Variants in RTTN observed in about 807,000 individuals in gnomAD.
The protein encoded by RTTN is rotatin.
RTTN carries 182 observed loss-of-function variants against 269.2 expected under a neutral mutation model. The ratio of observed to expected loss-of-function variants is 0.68; its 90% confidence interval spans 0.60 to 0.76. The LOEUF is 0.76. Among genes scored for constraint, RTTN ranks in the 30% least tolerant of loss-of-function variants. The probability of loss-of-function intolerance (pLI) is 0.00; values close to 1 mark genes in which losing one functional copy is unlikely to be tolerated. For missense variants in RTTN, 2,545 were observed against 2,608.6 expected (o/e 0.98, Z 0.53); for synonymous variants, 1,006 against 963.5 (o/e 1.04, Z -0.82).
intron 40 of RTTN, among the ~76,000 whole-genome samples, chr18:70,042,109 G>A (rs1231387679): frequency 1.3e-5 from 2 of 150,658 alleles, no homozygotes; most frequent in Non-Finnish European, 3.0e-5. Flanking sequence ...AGCAAAGAGA[G>A]ATTACATAGC....
chr18:70,117,897 A>G (rs1325487231), intron 26 of RTTN, among the ~76,000 whole-genome samples: 1 of 152,028 alleles, frequency 6.6e-6, no homozygotes, highest in African/African-American at 2.4e-5. Flanking sequence ...TGGGTCAAAG[A>G]AAAAGCTAAA....
chr18:70,166,773 C>T, intron 13 of RTTN, 146 bp downstream of exon 13: 1 of 595,402 alleles, frequency 1.7e-6, no homozygotes, highest in Non-Finnish European at 2.9e-6. Context: ...TACATATACC[C>T]TTTAAAAATC....
At chr18:70,183,922 C>A (rs2061474587) in intron 10 of RTTN, among the ~76,000 whole-genome samples, 1 of 152,180 alleles carries the variant, frequency 6.6e-6, no homozygotes. Context: ...TATGCACCTA[C>A]ATGCCCAGCT....
At chr18:70,004,257 TAC>T in intron 48 of RTTN, 21 bp from the exon 49 acceptor site, 2 of 1,542,166 alleles carry the variant, frequency 1.3e-6, no homozygotes, top group Non-Finnish European at 1.8e-6. Context: ...AAAATAAGAG[TAC>T]AGAAATACTA....
At chr18:70,205,402 C>T (rs1400230125) in intron 1 of RTTN, 87 bp from the exon 2 acceptor site, 8 of 1,530,158 alleles carry the variant, frequency 5.2e-6, no homozygotes, top group Admixed American at 1.8e-5. Context: ...GGCGTGAAGA[C>T]GGAATAAACC....
chr18:70,109,618 C>T lies in RTTN; in HGVS notation c.3783G>A (p.Pro1261=), dbSNP rs371484273. 96 of 1,613,868 alleles carry T rather than the reference C, an allele frequency of 5.9e-5. No homozygotes were observed. In the African/African-American group the frequency reaches 6.8e-4, roughly 11 times the overall value. The part of the protein sequence containing the change: ...VTDAPHFYGL[P]SLERTLRGMA... ...TCCCTCGTAAGGTCCGCTCAAGGGA[C>T]GGCAGGCCATAGAAATGAGGCGCAT... is the stretch of plus-strand genomic sequence containing the variant. Residue 1261 remains proline (P), a synonymous_variant, in exon 28 of 49, where the codon CCG becomes CCA. Coordinates refer to ENST00000640769, the MANE Select transcript of RTTN (RefSeq NM_173630.4).
At chr18:70,152,834 A>G (rs901892192) in intron 14 of RTTN, among the ~76,000 whole-genome samples, 5 of 152,116 alleles carry the variant, frequency 3.3e-5, no homozygotes, top group African/African-American at 9.7e-5. Flanking sequence ...GACCCCCTAC[A>G]ATCCATTCCC....
At chr18:70,102,215 C>A (rs1374735182) in intron 28 of RTTN, among the ~76,000 whole-genome samples, 2 of 152,158 alleles carry the variant, frequency 1.3e-5, no homozygotes, top group Non-Finnish European at 2.9e-5. Context: ...GAGTCCAAGT[C>A]TCTTTGTAGG....
intron 14 of RTTN, among the ~76,000 whole-genome samples, chr18:70,157,666 C>T (rs775180069): frequency 7.2e-5 from 11 of 152,174 alleles, no homozygotes; most frequent in Non-Finnish European, 8.8e-5. Context: ...CAAGGAAGCT[C>T]GACAAGATAT....
chr18:70,084,332 A>C (rs1286994184), intron 32 of RTTN, among the ~76,000 whole-genome samples: 1 of 152,184 alleles, frequency 6.6e-6, no homozygotes. Flanking sequence ...TATGAAAGGG[A>C]CACTAAAATA....
chr18:70,124,627 T>C (rs758838209), intron 25 of RTTN, among the ~76,000 whole-genome samples: 16 of 152,116 alleles, frequency 1.1e-4, no homozygotes, highest in Non-Finnish European at 2.4e-4. Flanking sequence ...AAACACAGCA[T>C]ATGTTAGAGA....
At position 70,139,613 on chromosome 18, in the gene RTTN, G is replaced by A; in HGVS notation, c.2774C>T (p.Thr925Ile). 1 of 1,606,064 alleles carries A rather than the reference G, an allele frequency of 6.2e-7. No individual in the cohort carries two copies. The highest frequency in any genetic ancestry group is 1.1e-5 in the South Asian group (1 of 90,728). ...CTTTTATTTACCTCTGAATAACACG[G>A]TCAAAAGAGAAGACTGTTGCGAGAG... Reference protein sequence around the residue: ...VSLSQQSSLLTVLFRVSLIFH... With the variant: ...VSLSQQSSLLIVLFRVSLIFH... The change falls in exon 21 of 49, where the codon ACC (threonine) becomes ATC (isoleucine). Residue 925 changes from threonine to isoleucine, a missense_variant. Transcript: ENST00000640769.
At chr18:70,119,339 T>C (rs2059679009) in intron 26 of RTTN, among the ~76,000 whole-genome samples, 1 of 151,156 alleles carries the variant, frequency 6.6e-6, no homozygotes, top group South Asian at 2.1e-4. Context: ...AAAATTAAGA[T>C]ATTTAGGAAT....
At chr18:70,143,131 T>C (rs1427065456) in intron 18 of RTTN, among the ~76,000 whole-genome samples, 4 of 152,232 alleles carry the variant, frequency 2.6e-5, no homozygotes, top group Admixed American at 2.6e-4. Context: ...CTCTTTTCCA[T>C]ATGCCTTTTG....
intron 40 of RTTN, among the ~76,000 whole-genome samples, chr18:70,038,016 T>A (rs2057228328): frequency 6.6e-6 from 1 of 151,540 alleles, no homozygotes; most frequent in Non-Finnish European, 1.5e-5. Flanking sequence ...AAAAGGAGAG[T>A]CTCCTTTTCC....
At chr18:70,015,203 A>C (rs895245328) in intron 46 of RTTN, among the ~76,000 whole-genome samples, 4 of 151,818 alleles carry the variant, frequency 2.6e-5, no homozygotes, top group African/African-American at 4.8e-5. Flanking sequence ...TGGGGACTAC[A>C]AGGTGCCCGC....
At chr18:70,054,423 C>A in intron 37 of RTTN, 139 bp from the exon 38 acceptor site, 1 of 752,284 alleles carries the variant, frequency 1.3e-6, no homozygotes, top group Non-Finnish European at 2.1e-6. Flanking sequence ...TAACACATAG[C>A]AGACAAAGCA....
In RTTN at chr18:70,142,303, C is replaced by A; in HGVS notation, c.2566G>T (p.Ala856Ser). 1 of 1,599,402 alleles carries A rather than the reference C, an allele frequency of 6.3e-7. No individual in the cohort carries two copies. Among genetic ancestry groups the A allele is most frequent in the Non-Finnish European group, 8.6e-7 (1 of 1,168,570 alleles). Residue 856 changes from alanine (A) to serine (S), a missense_variant, in exon 19 of 49, where the codon GCT (alanine) becomes TCT (serine). Transcript: ENST00000640769. ...AAGACATTACCTTGCATAATCACAG[C>A]TAACTGTTCAGCAGCTGACTTTCTC... ...VLRKSAAEQL[A>S]VIMQDIKMHA...
chr18:70,168,939 T>C lies in RTTN; in HGVS notation c.1605A>G (p.Glu535=). ...VVAYLEQLNS[E]NYSIYKRTAE... Reference sequence around the variant, plus strand: ...CAGTTCGTTTATAAATACTGTAGTTTTCAGAATTCAGCTGTTCCAAATAGG... The same window carrying C: ...CAGTTCGTTTATAAATACTGTAGTTCTCAGAATTCAGCTGTTCCAAATAGG... The change falls in exon 12 of 49, where the codon GAA becomes GAG. Residue 535 remains glutamate (E), a synonymous_variant. Coordinates refer to ENST00000640769, the MANE Select transcript of RTTN (RefSeq NM_173630.4). 6.2e-7 allele frequency: 1 copy of C among 1,613,514 alleles called. No individual in the cohort carries two copies. Among genetic ancestry groups the C allele is most frequent in the Non-Finnish European group, 8.5e-7 (1 of 1,179,798 alleles).
Sources: gnomAD v4.1 joint callset for allele counts (sites outside exome capture counted in the v4.1 genomes callset) on GRCh38, gnomAD v4.1.1 for gene constraint, MANE v1.5 for transcripts, NCBI Gene and HGNC (gene_info 2026-07-23, HGNC 2026-07-21) for gene names.